Variants in CDH1 observed in about 807,000 individuals in gnomAD.
CDH1 encodes the protein cadherin-1.
In CDH1, 35 loss-of-function variants were observed where a neutral mutation model predicts 84.5. The ratio of observed to expected loss-of-function variants is 0.41; its 90% confidence interval spans 0.32 to 0.55. The LOEUF (loss-of-function observed/expected upper bound fraction) is 0.55, where lower values mean the gene tolerates loss of function less well. Among genes scored for constraint, CDH1 ranks in the 20% least tolerant of loss-of-function variants. CDH1 has a pLI of 0.19. For synonymous variants in CDH1, 417 were observed against 439.0 expected (o/e 0.95, Z 0.63); for missense variants, 994 against 1,126.6 (o/e 0.88, Z 1.68).
intron 2 of CDH1, among the ~76,000 whole-genome samples, chr16:68,752,262 A>G (rs951146322): frequency 9.9e-5 from 15 of 152,190 alleles, no homozygotes; most frequent in African/African-American, 3.4e-4. Context: ...TGGACCCCCT[A>G]TTTATGATAG....
chr16:68,743,250 G>A (rs1017661570), intron 2 of CDH1, among the ~76,000 whole-genome samples: 1 of 152,020 alleles, frequency 6.6e-6, no homozygotes, highest in African/African-American at 2.4e-5. Flanking sequence ...ATCCCCGAGA[G>A]GCACCTGTCC....
At chr16:68,799,779 G>C (rs56740932) in intron 2 of CDH1, among the ~76,000 whole-genome samples, 2 of 151,970 alleles carry the variant, frequency 1.3e-5, no homozygotes, top group African/African-American at 4.8e-5. Flanking sequence ...TTTGGGAGGC[G>C]AGGTGGATGG....
At chr16:68,829,577 A>T (rs1168322536) in intron 14 of CDH1, 77 bp from the exon 15 acceptor site, 1 of 1,418,892 alleles carries the variant, frequency 7.0e-7, no homozygotes, top group Non-Finnish European at 9.9e-7. Context: ...ACCATAATCT[A>T]TAAACTGAAC....
chr16:68,812,235 A>G lies in CDH1; in HGVS notation c.1109A>G (p.Asp370Gly). 6.2e-7 allele frequency: 1 copy of G among 1,614,186 alleles called. No homozygotes were observed. Among genetic ancestry groups the G allele is most frequent in the Non-Finnish European group, 8.5e-7 (1 of 1,179,998 alleles). ...GTGATCACAGTCACTGACACCAACG[A>G]TAATCCTCCGATCTTCAATCCCACC... ...TAVITVTDTN[D>G]NPPIFNPTTY... Residue 370 changes from aspartate to glycine, a missense_variant, in exon 8 of 16, where the codon GAT becomes GGT. Physicochemically the swap from Asp to Gly is moderately conservative, Grantham distance 94 (BLOSUM62 -1). Transcript: ENST00000261769.
chr16:68,818,867 A>AAG (rs1555516472), intron 10 of CDH1, among the ~76,000 whole-genome samples: 2,292 of 146,824 alleles, frequency 0.016, 75 homozygotes, highest in African/African-American at 0.057. Flanking sequence ...AAAAAAAAAA[A>AAG]AAAGAAAGAA....
chr16:68,745,593 GTA>G (rs1403286384), intron 2 of CDH1, among the ~76,000 whole-genome samples: 10 of 100,252 alleles, frequency 1.0e-4, no homozygotes, highest in African/African-American at 4.5e-4. Context: ...TAATATATGT[GTA>G]TATATATGTA....
intron 2 of CDH1, among the ~76,000 whole-genome samples, chr16:68,769,614 A>G (rs892082799): frequency 6.6e-6 from 1 of 151,954 alleles, no homozygotes; most frequent in Non-Finnish European, 1.5e-5. Flanking sequence ...CAACCTGCAC[A>G]TGTAATTTCA....
chr16:68,813,102 A>T (rs1472638443), intron 8 of CDH1, among the ~76,000 whole-genome samples: 1 of 152,066 alleles, frequency 6.6e-6, no homozygotes, highest in Non-Finnish European at 1.5e-5. Flanking sequence ...CTGTGGTCCC[A>T]GCTACTCTGG....
Position 68,815,562 on chromosome 16 carries a change from G to A in CDH1, c.1368G>A (p.Val456=), listed in dbSNP as rs1555516103. 6.2e-7 allele frequency: 1 copy of A among 1,614,226 alleles called. No homozygotes were observed. Among genetic ancestry groups the A allele is most frequent in the Non-Finnish European group, 8.5e-7 (1 of 1,180,042 alleles). ...AKQQYILHVA[V]TNVVPFEVSL... ...AGCAGTACATTCTACACGTAGCAGT[G>A]ACGAATGTGGTACCTTTTGAGGTCT... The change falls in exon 10 of 16, where the codon GTG becomes GTA. Residue 456 remains valine, a synonymous_variant. Transcript: ENST00000261769.
In CDH1 at chr16:68,833,681, AG is replaced by A; in HGVS notation, c.*183del. 1.6e-6 allele frequency: 1 copy of A among 614,784 alleles called. No homozygotes were observed. The highest frequency in any genetic ancestry group is 1.9e-5 in the South Asian group (1 of 52,184). The allele number at this position is 614,784 out of a possible 1,614,324, so 38.1% of individuals were successfully genotyped here. ...TTTATAGCTCTAATAAGTTTGTGTT[AG>A]AAAAGTTTCGACTTATTTCTTAAAG... On this transcript the variant is annotated 3_prime_UTR_variant, in exon 16 of 16. Coordinates refer to ENST00000261769, the MANE Select transcript of CDH1 (RefSeq NM_004360.5).
Position 68,822,089 on chromosome 16 carries a change from A to G in CDH1, c.1800A>G (p.Ile600Met), listed in dbSNP as rs878854680. ...CCCCCATACCAGAACCTCGAACTAT[A>G]TTCTTCTGTGAGAGGAATCCAAAGC... ...DNAPIPEPRTIFFCERNPKPQ... is the reference protein window; with the variant it reads ...DNAPIPEPRTMFFCERNPKPQ... Residue 600 changes from isoleucine (I) to methionine (M), a missense_variant, in exon 12 of 16, where the codon ATA becomes ATG. This residue lies in a region of CDH1 where 769 missense variants were observed against 881.8 expected (regional missense o/e 0.87). Transcript: ENST00000261769. 1.2e-6 allele frequency: 2 copies of G among 1,614,136 alleles called. No homozygotes were observed. The highest frequency in any genetic ancestry group is 3.3e-5 in the Admixed American group (2 of 60,010).
intron 2 of CDH1, among the ~76,000 whole-genome samples, chr16:68,782,742 G>C (rs1427639846): frequency 2.0e-5 from 3 of 152,068 alleles, no homozygotes; most frequent in Non-Finnish European, 4.4e-5. Context: ...CTTCGCAAAG[G>C]AGTCAGCCCT....
At chr16:68,793,815 C>G (rs1447111733) in intron 2 of CDH1, among the ~76,000 whole-genome samples, 1 of 151,878 alleles carries the variant, frequency 6.6e-6, no homozygotes, top group Non-Finnish European at 1.5e-5. Context: ...TCCCTCGAAC[C>G]CGGGAGGCAG....
chr16:68,819,705 C>A (rs893554978), intron 11 of CDH1, among the ~76,000 whole-genome samples: 4 of 152,136 alleles, frequency 2.6e-5, no homozygotes, highest in African/African-American at 9.7e-5. Flanking sequence ...CCCTTGGACC[C>A]TTCCCAGCTG....
At chr16:68,787,825 ATTTT>A (rs58676133) in intron 2 of CDH1, among the ~76,000 whole-genome samples, 3 of 102,354 alleles carry the variant, frequency 2.9e-5, no homozygotes, top group Admixed American at 1.1e-4. Context: ...CGCCCGGCTA[ATTTT>A]TTTTTTTTTT....
intron 2 of CDH1, among the ~76,000 whole-genome samples, chr16:68,742,852 C>T (rs1376752258): frequency 2.6e-5 from 4 of 152,214 alleles, no homozygotes; most frequent in Admixed American, 2.6e-4. Flanking sequence ...CAGATCCCCA[C>T]CCCCTACCCC....
chr16:68,806,132 ATTTATTTATTTATTTAT>A (rs895138302), intron 3 of CDH1, among the ~76,000 whole-genome samples: 2 of 30,606 alleles, frequency 6.5e-5, no homozygotes, highest in Non-Finnish European at 1.6e-4. Context: ...ATATTTATTT[ATTTATTTATTTATTTAT>A]TTATTTATTT....
chr16:68,772,930 A>G (rs1218212684), intron 2 of CDH1, among the ~76,000 whole-genome samples: 1 of 152,186 alleles, frequency 6.6e-6, no homozygotes, highest in Non-Finnish European at 1.5e-5. Context: ...CAGTCTCAAA[A>G]AACAAAAACA....
Position 68,808,332 on chromosome 16 carries a change from G to C in CDH1, c.388-92G>C, listed in dbSNP as rs1029674693. On this transcript the variant is annotated intron_variant, in intron 3 of 15. Transcript: ENST00000261769. ...TCAAACTGTACACTGCCCACAGAAG[G>C]CTGGGGACGCTGTCTGGCTAGGTTG... 4 of 1,309,178 alleles carry C rather than the reference G, an allele frequency of 3.1e-6. No individual in the cohort carries two copies. In the South Asian group the frequency reaches 3.5e-5, roughly 12 times the overall value. The allele number at this position is 1,309,178 out of a possible 1,614,324, so 81.1% of individuals were successfully genotyped here.
Sources: gnomAD v4.1 joint callset for allele counts (sites outside exome capture counted in the v4.1 genomes callset) on GRCh38, gnomAD v4.1.1 for gene constraint, gnomAD v4.1.1 regional missense constraint, MANE v1.5 for transcripts, NCBI Gene and HGNC (gene_info 2026-07-23, HGNC 2026-07-21) for gene names.